Variants in POFUT3 observed in about 807,000 individuals in gnomAD.
The protein encoded by POFUT3 is protein O-fucosyltransferase 3.
At chr8:33,379,069 C>T in the POFUT3 span, among the ~76,000 whole-genome samples, 1 of 151,608 alleles carries the variant, frequency 6.6e-6, no homozygotes, top group South Asian at 2.1e-4. Context: ...TGTGGCATTT[C>T]CTCTCTCTCT....
chr8:33,335,153 G>A, the POFUT3 span, among the ~76,000 whole-genome samples: 4 of 118,090 alleles, frequency 3.4e-5, no homozygotes, highest in African/African-American at 8.0e-5. Flanking sequence ...AGAAATATAT[G>A]TGTGTGTGTG....
the POFUT3 span, among the ~76,000 whole-genome samples, chr8:33,331,438 T>C: frequency 7.9e-5 from 12 of 152,096 alleles, no homozygotes; most frequent in African/African-American, 2.9e-4. Context: ...AGGTTTCACA[T>C]AGAAGCAGAC....
chr8:33,389,627 G>A, the POFUT3 span: 3 of 1,614,202 alleles, frequency 1.9e-6, no homozygotes, highest in Non-Finnish European at 2.5e-6. Flanking sequence ...CAAGTATTGG[G>A]TAGTTAGTGG....
chr8:33,329,192 A>G, the POFUT3 span, among the ~76,000 whole-genome samples: 1 of 152,102 alleles, frequency 6.6e-6, no homozygotes, highest in South Asian at 2.1e-4. Flanking sequence ...TTCTTTTCCC[A>G]TCTCTAGGAG....
chr8:33,461,643 C>G, the POFUT3 span: 4 of 1,523,590 alleles, frequency 2.6e-6, no homozygotes, highest in Non-Finnish European at 3.5e-6. Context: ...GGCTTGGCAT[C>G]GAGAGGAAGC....
chr8:33,321,543 T>C, the POFUT3 span, among the ~76,000 whole-genome samples: 1 of 152,128 alleles, frequency 6.6e-6, no homozygotes, highest in African/African-American at 2.4e-5. Flanking sequence ...TCTTATTTGG[T>C]CACTGGCTTC....
At chr8:33,378,953 G>A in the POFUT3 span, among the ~76,000 whole-genome samples, 295 of 152,126 alleles carry the variant, frequency 1.9e-3, 1 homozygote, top group Non-Finnish European at 2.1e-3. Context: ...TGTAATCCCC[G>A]TGTGTCAAGG....
chr8:33,372,287 C>G, the POFUT3 span: 1 of 1,144,834 alleles, frequency 8.7e-7, no homozygotes, highest in Non-Finnish European at 1.1e-6. Context: ...AGTACTCACT[C>G]TAGGTGAATT....
chr8:33,318,605 A>AATATATTGTAT, the POFUT3 span, among the ~76,000 whole-genome samples: 2 of 95,680 alleles, frequency 2.1e-5, no homozygotes, highest in African/African-American at 9.7e-5. Context: ...ATAATATATA[A>AATATATTGTAT]ATATATTGTA....
At chr8:33,444,018 T>G in the POFUT3 span, among the ~76,000 whole-genome samples, 1 of 151,184 alleles carries the variant, frequency 6.6e-6, no homozygotes, top group African/African-American at 2.4e-5. Flanking sequence ...GCCTGCCATA[T>G]GCCAGGCACT....
the POFUT3 span, among the ~76,000 whole-genome samples, chr8:33,410,732 C>T: frequency 1.3e-5 from 2 of 152,176 alleles, no homozygotes; most frequent in Non-Finnish European, 2.9e-5. Flanking sequence ...AGAATTATTT[C>T]CCGGTTGGGA....
At chr8:33,340,391 T>C in the POFUT3 span, among the ~76,000 whole-genome samples, 1 of 151,912 alleles carries the variant, frequency 6.6e-6, no homozygotes, top group Non-Finnish European at 1.5e-5. Context: ...TGTATATATA[T>C]ATATACATGT....
the POFUT3 span, among the ~76,000 whole-genome samples, chr8:33,459,925 G>T: frequency 7.9e-5 from 12 of 152,296 alleles, 1 homozygote; most frequent in East Asian, 1.4e-3. Context: ...GCCAGGTGTG[G>T]TGGCTCATGC....
At chr8:33,372,754 T>C in the POFUT3 span, 3 of 1,613,958 alleles carry the variant, frequency 1.9e-6, no homozygotes, top group Non-Finnish European at 1.7e-6. Flanking sequence ...CTGTGGGCTC[T>C]GGGCAACTCA....
At chr8:33,404,639 T>A in the POFUT3 span, among the ~76,000 whole-genome samples, 1 of 152,140 alleles carries the variant, frequency 6.6e-6, no homozygotes, top group Admixed American at 6.5e-5. Flanking sequence ...AAGTTCTTGA[T>A]GGATGCAGCC....
the POFUT3 span, chr8:33,361,011 C>T: frequency 6.6e-6 from 1 of 152,156 alleles, no homozygotes; most frequent in African/African-American, 2.4e-5. Context: ...TCTTAGGGAC[C>T]AACATTCTCT....
At chr8:33,335,951 C>G in the POFUT3 span, among the ~76,000 whole-genome samples, 7 of 151,720 alleles carry the variant, frequency 4.6e-5, no homozygotes, top group South Asian at 1.5e-3. Flanking sequence ...GAGGAGGAGG[C>G]AGGAGAGGCA....
At chr8:33,436,520 A>G in the POFUT3 span, 3 of 1,153,728 alleles carry the variant, frequency 2.6e-6, no homozygotes, top group Non-Finnish European at 3.9e-6. Context: ...TTTACCCCAT[A>G]AAGCTTGTGA....
At chr8:33,374,079 C>T in the POFUT3 span, among the ~76,000 whole-genome samples, 3 of 152,174 alleles carry the variant, frequency 2.0e-5, no homozygotes. Context: ...TGAGCATTGC[C>T]GTCTGAGCTC....
Sources: gnomAD v4.1 joint callset for allele counts (sites outside exome capture counted in the v4.1 genomes callset) on GRCh38, gnomAD v4.1.1 for gene constraint, MANE v1.5 for transcripts, NCBI Gene and HGNC (gene_info 2026-07-23, HGNC 2026-07-21) for gene names.